Variants in PFKFB3 observed in about 807,000 individuals in gnomAD.
PFKFB3 encodes 6-phosphofructo-2-kinase/fructose-2,6-bisphosphatase 3.
A neutral mutation model predicts 68.0 loss-of-function variants in PFKFB3; 33 were observed. The observed-to-expected ratio is 0.49, with a 90% CI of 0.37 to 0.65. The LOEUF is 0.65. Ranked by LOEUF, PFKFB3 falls within the 30% of genes least tolerant of loss-of-function variation. PFKFB3 has a pLI of 0.00. For missense variants in PFKFB3, 586 were observed against 712.2 expected (o/e 0.82, Z 2.02); for synonymous variants, 315 against 288.2 (o/e 1.09, Z -0.94).
At chr10:6,287,131 G>C in the PFKFB3 span, among the ~76,000 whole-genome samples, 15 of 152,096 alleles carry the variant, frequency 9.9e-5, no homozygotes, top group African/African-American at 3.6e-4. Context: ...CTGTCACCCA[G>C]GCCACAGTGC....
In PFKFB3 at chr10:6,228,337, T is replaced by A. The variant is rs1845494753; in HGVS notation, c.1515+1972T>A. On this transcript the variant is annotated intron_variant, in intron 14 of 14. Transcript: ENST00000379775. The surrounding 1 kb of genome is among the most constrained non-coding windows in gnomAD (Gnocchi z 4.5). ...CAGTTTTGTGATGTGAGGTCTTCCG[T>A]GGGGGAAGGAGGAGATGGGCGTAGG... 1 of 1,113,236 alleles carries A rather than the reference T, an allele frequency of 9.0e-7. No homozygotes were observed. The allele number at this position is 1,113,236 out of a possible 1,614,324, so 69.0% of individuals were successfully genotyped here.
chr10:6,159,246 T>C (rs1841898668), intron 1 of PFKFB3, among the ~76,000 whole-genome samples: 1 of 151,734 alleles, frequency 6.6e-6, no homozygotes, highest in African/African-American at 2.4e-5. Flanking sequence ...AATACAAAAA[T>C]TAGCCAGGCG....
At chr10:6,209,780 T>TTC in intron 1 of PFKFB3, among the ~76,000 whole-genome samples, 1 of 150,060 alleles carries the variant, frequency 6.7e-6, no homozygotes, top group East Asian at 1.9e-4. Context: ...TTTTTTTTTT[T>TTC]TTGAGACGGT....
chr10:6,270,866 C>T, the PFKFB3 span, among the ~76,000 whole-genome samples: 1 of 152,168 alleles, frequency 6.6e-6, no homozygotes, highest in Admixed American at 6.5e-5. Flanking sequence ...AGTTTTGACT[C>T]AGCACTCTCT....
chr10:6,255,361 T>A (rs1278604761), downstream of PFKFB3, among the ~76,000 whole-genome samples: 2 of 152,178 alleles, frequency 1.3e-5, no homozygotes, highest in Non-Finnish European at 2.9e-5. Context: ...TGACCTCAGG[T>A]GATCTGCCCA....
intron 1 of PFKFB3, among the ~76,000 whole-genome samples, chr10:6,156,117 A>C (rs1841775706): frequency 7.9e-6 from 1 of 126,244 alleles, no homozygotes. Context: ...TATTATATAT[A>C]TGTACATATA....
chr10:6,305,405 T>C, the PFKFB3 span, among the ~76,000 whole-genome samples: 1 of 151,996 alleles, frequency 6.6e-6, no homozygotes, highest in Non-Finnish European at 1.5e-5. Context: ...GGCCTTGAAC[T>C]CCTGAGCTCA....
chr10:6,199,658 AT>A (rs143309528), upstream of PFKFB3, among the ~76,000 whole-genome samples: 1,456 of 75,572 alleles, frequency 0.019, 18 homozygotes, highest in African/African-American at 0.073. Context: ...CTATTTTTAA[AT>A]TTTTTTTTTT....
chr10:6,168,728 G>C (rs1363842796), intron 1 of PFKFB3, among the ~76,000 whole-genome samples: 1 of 152,198 alleles, frequency 6.6e-6, no homozygotes, highest in Admixed American at 6.5e-5. Context: ...CACAGCAGCT[G>C]CCCACTCGCA....
the PFKFB3 span, among the ~76,000 whole-genome samples, chr10:6,273,215 C>T: frequency 1.3e-5 from 2 of 151,898 alleles, no homozygotes; most frequent in Non-Finnish European, 2.9e-5. Flanking sequence ...GCTGGGCCCA[C>T]CTCACAGATG....
the PFKFB3 span, among the ~76,000 whole-genome samples, chr10:6,278,203 G>A: frequency 1.2e-4 from 18 of 150,090 alleles, no homozygotes; most frequent in African/African-American, 2.9e-4. Flanking sequence ...GGCGTGAGCC[G>A]CAGTGCCCGG....
chr10:6,177,408 C>CTTCCTTTCTT (rs1842523955), intron 1 of PFKFB3, among the ~76,000 whole-genome samples: 13 of 52,602 alleles, frequency 2.5e-4, no homozygotes, highest in East Asian at 4.6e-4. Flanking sequence ...TTCTTTCTTT[C>CTTCCTTTCTT]TTCTTTCTCT....
intron 1 of PFKFB3, among the ~76,000 whole-genome samples, chr10:6,205,157 C>T (rs1322410425): frequency 6.6e-6 from 1 of 152,152 alleles, no homozygotes; most frequent in Non-Finnish European, 1.5e-5. Flanking sequence ...CTGGTATCCT[C>T]CTGTGTGGCT....
the PFKFB3 span, among the ~76,000 whole-genome samples, chr10:6,313,431 G>T: frequency 0.05 from 7,568 of 152,272 alleles, 276 homozygotes; most frequent in Middle Eastern, 0.17. This position sits in a 1 kb window ranked among gnomAD's most constrained non-coding sequence, Gnocchi z 4.2. Flanking sequence ...GCTGGGTGCT[G>T]GTTGCTCAGT....
intron 1 of PFKFB3, among the ~76,000 whole-genome samples, chr10:6,145,346 G>GCCTCCAGACCCGCGCTACCT (rs1054182484): frequency 2.0e-5 from 3 of 151,602 alleles, no homozygotes; most frequent in Non-Finnish European, 2.9e-5. Context: ...CCCGCATTGT[G>GCCTCCAGACCCGCGCTACCT]CCTCCAGACC....
the PFKFB3 span, among the ~76,000 whole-genome samples, chr10:6,305,277 G>C: frequency 6.9e-6 from 1 of 145,262 alleles, no homozygotes. Context: ...TCCTGCCTCG[G>C]CCTTGCAAAG....
chr10:6,282,251 C>A, the PFKFB3 span, among the ~76,000 whole-genome samples: 1 of 152,046 alleles, frequency 6.6e-6, no homozygotes, highest in African/African-American at 2.4e-5. Context: ...TTGGTGGTGA[C>A]CGGATTCAGG....
chr10:6,295,397 G>A, the PFKFB3 span, among the ~76,000 whole-genome samples: 1 of 151,694 alleles, frequency 6.6e-6, no homozygotes, highest in African/African-American at 2.4e-5. Flanking sequence ...AATTTTTTTG[G>A]TATTTTTAGT....
chr10:6,171,559 C>G (rs1279061103), intron 1 of PFKFB3, among the ~76,000 whole-genome samples: 1 of 152,038 alleles, frequency 6.6e-6, no homozygotes, highest in South Asian at 2.1e-4. Context: ...CCACACTCGG[C>G]TAATTTTATT....
Sources: gnomAD v4.1 joint callset for allele counts (sites outside exome capture counted in the v4.1 genomes callset) on GRCh38, gnomAD v4.1.1 for gene constraint, Gnocchi (gnomAD v3.1) non-coding constraint, MANE v1.5 for transcripts, NCBI Gene and HGNC (gene_info 2026-07-23, HGNC 2026-07-21) for gene names.